ROBO2: variants seen among roughly 807,000 people sequenced by gnomAD.
ROBO2 encodes roundabout guidance receptor 2.
A neutral mutation model predicts 160.8 loss-of-function variants in ROBO2; 53 were observed. The ratio of observed to expected loss-of-function variants is 0.33; its 90% confidence interval spans 0.26 to 0.41. ROBO2 has a LOEUF of 0.41. Among genes scored for constraint, ROBO2 ranks in the 10% least tolerant of loss-of-function variants. ROBO2 has a pLI of 1.00. For missense variants in ROBO2, 1,577 were observed against 1,722.4 expected, an observed-to-expected ratio of 0.92 and a Z score of 1.49; for synonymous variants, 664 against 611.7, an observed-to-expected ratio of 1.09 and a Z score of -1.26.
chr3:77,562,826 C>T (rs2093365406), intron 10 of ROBO2, 94 bp downstream of exon 11: 1 of 922,580 alleles, frequency 1.1e-6, no homozygotes, highest in African/African-American at 1.6e-5. Context: ...GTGTTTAATT[C>T]ACTGAATGTA....
At position 77,109,195 on chromosome 3, in the gene ROBO2, G is replaced by A. The variant is rs559043401; in HGVS notation, c.388+10855G>A. 2.2e-4 allele frequency among the ~76,000 whole-genome samples: 34 copies of A among 152,224 alleles called. 1 individual carries two copies. The South Asian group carries it at 2.5e-3, about 11-fold the overall frequency. The stretch of plus-strand genomic sequence containing the variant: ...TTTTGTACAGTACCTTCTACTGGTC[G>A]GTACTCACCTAGGTGTTAGGATACA... On this transcript the variant is annotated intron_variant, in intron 2 of 25. Transcript: ENST00000461745.
At chr3:77,624,752 C>T (rs1227640846) in intron 23 of ROBO2, among the ~76,000 whole-genome samples, 2 of 152,142 alleles carry the variant, frequency 1.3e-5, no homozygotes, top group Non-Finnish European at 2.9e-5. Flanking sequence ...TTACCTCCCC[C>T]TGAAATGCTG....
chr3:77,612,544 A>G (rs1188869654), intron 21 of ROBO2, among the ~76,000 whole-genome samples: 1 of 152,158 alleles, frequency 6.6e-6, no homozygotes, highest in Admixed American at 6.5e-5. Context: ...CATGGTAGGT[A>G]GATGGATCTG....
At chr3:76,622,238 GAAA>G (rs780916033) in intron 2 of ROBO2, among the ~76,000 whole-genome samples, 41,580 of 87,224 alleles carry the variant, frequency 0.48, 11,412 homozygotes, top group South Asian at 0.58. Context: ...AAGGAAGGAA[GAAA>G]GAAAGAAAGA....
chr3:75,987,499 A>G (rs960720064), intron 2 of ROBO2, among the ~76,000 whole-genome samples: 1 of 151,834 alleles, frequency 6.6e-6, no homozygotes, highest in African/African-American at 2.4e-5. Flanking sequence ...GTGTACAAAC[A>G]GAGATAATTG....
chr3:77,493,302 A>G, exon 5 of ROBO2: 1 of 1,614,122 alleles, frequency 6.2e-7, no homozygotes, highest in South Asian at 1.1e-5. Context: ...AAGAAGCTGT[A>G]GAATTTCGTT....
chr3:76,960,122 A>ATATTTCT (rs59239476), intron 2 of ROBO2, among the ~76,000 whole-genome samples: 6,525 of 152,058 alleles, frequency 0.043, 445 homozygotes, highest in African/African-American at 0.15. Context: ...ATTGTTTTTG[A>ATATTTCT]CATTTCTCAT....
intron 2 of ROBO2, among the ~76,000 whole-genome samples, chr3:77,176,272 A>T (rs1254168463): frequency 6.6e-6 from 1 of 152,084 alleles, no homozygotes; most frequent in East Asian, 1.9e-4. Context: ...GTTGGCCATT[A>T]TTACAGATAA....
At chr3:76,992,546 T>C (rs2060742964) in intron 2 of ROBO2, among the ~76,000 whole-genome samples, 1 of 151,576 alleles carries the variant, frequency 6.6e-6, no homozygotes, top group Non-Finnish European at 1.5e-5. Flanking sequence ...ACTCCGTAAT[T>C]TCGTGAGAAA....
chr3:76,887,701 C>A (rs2074017287), intron 2 of ROBO2, among the ~76,000 whole-genome samples: 1 of 152,158 alleles, frequency 6.6e-6, no homozygotes, highest in African/African-American at 2.4e-5. Context: ...TATTCACCTG[C>A]AATTACATTA....
At chr3:76,195,564 A>G (rs536262660) in intron 2 of ROBO2, among the ~76,000 whole-genome samples, 1 of 152,324 alleles carries the variant, frequency 6.6e-6, no homozygotes, top group South Asian at 2.1e-4. Context: ...TAAAGCCTTC[A>G]GAGAAGAGAA....
chr3:77,348,627 T>C (rs79884811), intron 2 of ROBO2, among the ~76,000 whole-genome samples: 1,794 of 152,312 alleles, frequency 0.012, 93 homozygotes, highest in Admixed American at 0.085. Context: ...CACACGCCTC[T>C]GACAAAGCTA....
At chr3:77,632,206 T>C (rs2095177819) in intron 23 of ROBO2, 1 of 265,418 alleles carries the variant, frequency 3.8e-6, no homozygotes, top group African/African-American at 2.2e-5. Context: ...TGGAAAACGA[T>C]TGTGTAATAA....
At chr3:76,287,636 C>T (rs953203849) in intron 2 of ROBO2, among the ~76,000 whole-genome samples, 3 of 152,024 alleles carry the variant, frequency 2.0e-5, no homozygotes, top group Non-Finnish European at 2.9e-5. Context: ...TGGTGTTTTG[C>T]GTATTGGAAG....
At chr3:76,237,244 A>G (rs111838594) in intron 2 of ROBO2, among the ~76,000 whole-genome samples, 5,671 of 152,278 alleles carry the variant, frequency 0.037, 133 homozygotes, top group South Asian at 0.086. Flanking sequence ...TCACTTTAAT[A>G]TAAAAACTGT....
chr3:77,200,319 A>ATATT (rs1189379536), intron 2 of ROBO2, among the ~76,000 whole-genome samples: 4 of 61,534 alleles, frequency 6.5e-5, no homozygotes, highest in African/African-American at 1.1e-4. Context: ...ATATATATAT[A>ATATT]TATTTTAGTT....
chr3:76,096,900 A>G (rs1354222972), intron 2 of ROBO2, among the ~76,000 whole-genome samples: 1 of 152,174 alleles, frequency 6.6e-6, no homozygotes, highest in East Asian at 1.9e-4. Context: ...TCTAGTGAGA[A>G]ACATGCATTG....
intron 2 of ROBO2, among the ~76,000 whole-genome samples, chr3:76,300,670 A>G (rs1474524276): frequency 6.6e-6 from 1 of 152,116 alleles, no homozygotes; most frequent in African/African-American, 2.4e-5. Context: ...AAATTGTACT[A>G]TTAAGCATAA....
At chr3:76,728,180 C>T (rs1042565754) in intron 2 of ROBO2, among the ~76,000 whole-genome samples, 2 of 151,978 alleles carry the variant, frequency 1.3e-5, no homozygotes, top group Admixed American at 1.3e-4. Context: ...CAGGTCTTTG[C>T]TATACCACAA....
Sources: gnomAD v4.1 joint callset for allele counts (sites outside exome capture counted in the v4.1 genomes callset) on GRCh38, gnomAD v4.1.1 for gene constraint, MANE v1.5 for transcripts, NCBI Gene and HGNC (gene_info 2026-07-23, HGNC 2026-07-21) for gene names.